Variants in PPP1R16A observed in about 807,000 individuals in gnomAD.
PPP1R16A encodes the protein protein phosphatase 1 regulatory subunit 16A.
PPP1R16A carries 39 observed loss-of-function variants against 46.6 expected under a neutral mutation model. That is an observed-to-expected ratio of 0.84 (90% CI 0.65 to 1.09). The LOEUF is 1.09. Ranked by LOEUF, PPP1R16A falls within the 50% of genes least tolerant of loss-of-function variation. The pLI is 0.00. For synonymous variants in PPP1R16A, 413 were observed against 321.5 expected (o/e 1.28, Z -3.04); for missense variants, 798 against 735.6 (o/e 1.08, Z -0.98).
chr8:144,493,214 C>G lies in PPP1R16A; in HGVS notation c.-735+3002C>G, dbSNP rs1825890155. On this transcript the variant is annotated intron_variant, in intron 2 of 11. Coordinates refer to ENST00000435887, the MANE Select transcript of PPP1R16A (RefSeq NM_001329443.2). The surrounding 1 kb of genome is among the most constrained non-coding windows in gnomAD (Gnocchi z 4.3). ...GTATCCTCCATGGGGCTCCTCCCGC[C>G]TGGGTCCCACACTCAGGCAGCTGGC... 6.6e-6 allele frequency among the ~76,000 whole-genome samples: 1 copy of G among 152,170 alleles called. No homozygotes were observed. Among genetic ancestry groups the G allele is most frequent in the African/African-American group, 2.4e-5 (1 of 41,448 alleles).
intron 1 of PPP1R16A, among the ~76,000 whole-genome samples, chr8:144,488,863 C>T (rs560967033): frequency 6.6e-6 from 1 of 151,634 alleles, no homozygotes; most frequent in Non-Finnish European, 1.5e-5. Context: ...GGGGACAGAG[C>T]CCCAGGGGAG....
At position 144,493,862 on chromosome 8, in the gene PPP1R16A, A is replaced by T. The variant is rs1167838081; in HGVS notation, c.-734-2599A>T. ...AAGGTGGGCCTGCTAGGGTGGGGCC[A>T]AGTGCCCTGTGAGCCGTGCTGGGTG... On this transcript the variant is annotated intron_variant, in intron 2 of 11. Transcript: ENST00000435887. The surrounding 1 kb of genome is among the most constrained non-coding windows in gnomAD (Gnocchi z 4.3). Among the ~76,000 whole-genome samples, 1 of 152,118 alleles carries T rather than the reference A, an allele frequency of 6.6e-6. No individual in the cohort carries two copies. The highest frequency in any genetic ancestry group is 2.4e-5 in the African/African-American group (1 of 41,438).
chr8:144,501,942 A>G lies in PPP1R16A; in HGVS notation c.*39A>G, dbSNP rs186831096. The G allele has an allele frequency of 1.1e-4, 155 of 1,468,344 alleles. No homozygotes were observed. The African/African-American group carries it at 1.9e-3, about 18-fold the overall frequency. 91.0% of individuals were successfully genotyped at this position (1,468,344 alleles called of 1,614,324 possible). ...CATGCAGGGGCCCTGTCGCGGGCAC[A>G]GCCCAAGGCTGCCTCCCCACGGTGC... is the stretch of plus-strand genomic sequence containing the variant. On this transcript the variant is annotated 3_prime_UTR_variant, in exon 12 of 12. Transcript: ENST00000435887.
At position 144,500,501 on chromosome 8, in the gene PPP1R16A, C is replaced by A; in HGVS notation, c.720C>A (p.Ala240=). The part of the protein sequence containing the change: ...DHGATLLHVA[A]ANGFSEAAAL... The stretch of plus-strand genomic sequence containing the variant: ...CTTGCCTGCAGCTGCACGTCGCAGC[C>A]GCCAACGGGTTCAGCGAGGCGGCTG... The change falls in exon 8 of 12, where the codon GCC becomes GCA. Residue 240 remains alanine, a synonymous_variant. Transcript: ENST00000435887. 1 of 1,586,668 alleles carries A rather than the reference C, an allele frequency of 6.3e-7. No homozygotes were observed. The highest frequency in any genetic ancestry group is 1.3e-5 in the African/African-American group (1 of 74,838).
intron 1 of PPP1R16A, among the ~76,000 whole-genome samples, chr8:144,489,369 G>C (rs1825723039): frequency 1.1e-5 from 1 of 94,024 alleles, no homozygotes; most frequent in Non-Finnish European, 2.1e-5. Context: ...TGGTCTGAGG[G>C]GGGTTGGTCT....
intron 2 of PPP1R16A, among the ~76,000 whole-genome samples, chr8:144,494,096 C>A (rs1022427008): frequency 3.3e-5 from 5 of 152,050 alleles, no homozygotes; most frequent in Non-Finnish European, 7.4e-5. Flanking sequence ...CATCTTTTTT[C>A]CTTTTTAAAA....
At chr8:144,482,972 G>A (rs965694889) in intron 1 of PPP1R16A, among the ~76,000 whole-genome samples, 1 of 151,410 alleles carries the variant, frequency 6.6e-6, no homozygotes, top group Non-Finnish European at 1.5e-5. Flanking sequence ...TAGTAGAGAC[G>A]GGTTTTTGCC....
intron 2 of PPP1R16A, chr8:144,495,862 G>C (rs931523381): frequency 2.0e-5 from 3 of 152,364 alleles, no homozygotes; most frequent in African/African-American, 7.2e-5. Context: ...CTGTCTGCCT[G>C]CCTGTCTGTC....
Position 144,496,883 on chromosome 8 carries a change from C to G in PPP1R16A, c.-312C>G. 1 of 512,716 alleles carries G rather than the reference C, an allele frequency of 2.0e-6. No individual in the cohort carries two copies. The highest frequency in any genetic ancestry group is 3.6e-6 in the Non-Finnish European group (1 of 281,068). 31.8% of individuals were successfully genotyped at this position (512,716 alleles called of 1,614,324 possible). On this transcript the variant is annotated 5_prime_UTR_variant, in exon 3 of 12. Coordinates refer to ENST00000435887, the MANE Select transcript of PPP1R16A (RefSeq NM_001329443.2). ...GGCCGGCCAGGTCTCGGGGCTGCCT[C>G]CCATAGGTTGTGCACCCTGACCCCG...
chr8:144,480,801 C>T (rs1039824894), intron 1 of PPP1R16A, among the ~76,000 whole-genome samples: 1 of 151,664 alleles, frequency 6.6e-6, no homozygotes, highest in Non-Finnish European at 1.5e-5. Flanking sequence ...TGATTTTTTA[C>T]ATCAAACTTT....
intron 1 of PPP1R16A, among the ~76,000 whole-genome samples, chr8:144,486,340 TACAGGCGTGAGCCACCACGCCTG>T (rs1398490044): frequency 6.6e-6 from 1 of 152,118 alleles, no homozygotes; most frequent in East Asian, 1.9e-4. Context: ...GTGCTGGGAT[TACAGGCGTGAGCCACCACGCCTG>T]ACTTAAATTT....
At position 144,497,047 on chromosome 8, in the gene PPP1R16A, C is replaced by T. The variant is rs1225096873; in HGVS notation, c.-148C>T. 2.7e-6 allele frequency: 3 copies of T among 1,103,196 alleles called. No individual in the cohort carries two copies. Among genetic ancestry groups the T allele is most frequent in the African/African-American group, 3.1e-5 (2 of 64,322 alleles). The allele number at this position is 1,103,196 out of a possible 1,614,324, so 68.3% of individuals were successfully genotyped here. On this transcript the variant is annotated 5_prime_UTR_variant, in exon 3 of 12. Transcript: ENST00000435887. ...GGGCCTGGTTATTGTGTGGGGCCTC[C>T]TGACCCAGCCAAGGGCACGAAGCTC...
intron 1 of PPP1R16A, among the ~76,000 whole-genome samples, chr8:144,480,361 C>T (rs1312157955): frequency 4.6e-5 from 7 of 152,252 alleles, no homozygotes; most frequent in Admixed American, 4.6e-4. Flanking sequence ...GTCGCCCAGA[C>T]TGGAGTGCGG....
At chr8:144,483,285 TTGGCTGGCTTCAA>T (rs1162243258) in intron 1 of PPP1R16A, among the ~76,000 whole-genome samples, 3 of 152,360 alleles carry the variant, frequency 2.0e-5, no homozygotes, top group African/African-American at 7.2e-5. Flanking sequence ...AATGATGTTC[TTGGCTGGCTTCAA>T]GTTCAAAGGC....
At chr8:144,495,389 C>T (rs1043886139) in intron 2 of PPP1R16A, 1 of 152,172 alleles carries the variant, frequency 6.6e-6, no homozygotes, top group Non-Finnish European at 1.5e-5. Context: ...GAGAATAGGA[C>T]TCCTGGCAGG....
chr8:144,498,011 T>C (rs1311549103), intron 3 of PPP1R16A: 1 of 456,072 alleles, frequency 2.2e-6, no homozygotes, highest in Non-Finnish European at 4.4e-6. Context: ...GCTGTGTGGG[T>C]TCCACTTCTG....
At chr8:144,484,078 C>T (rs1280332021) in intron 1 of PPP1R16A, among the ~76,000 whole-genome samples, 1 of 152,228 alleles carries the variant, frequency 6.6e-6, no homozygotes, top group Non-Finnish European at 1.5e-5. Flanking sequence ...AGACCCCACA[C>T]CTCTGTTGTC....
At chr8:144,497,859 G>A in intron 3 of PPP1R16A, 1 of 368,848 alleles carries the variant, frequency 2.7e-6, no homozygotes, top group Non-Finnish European at 5.4e-6. Context: ...CGTGAAATAG[G>A]GTGGGACCAG....
At chr8:144,492,556 C>G (rs964295086) in intron 2 of PPP1R16A, among the ~76,000 whole-genome samples, 2 of 152,072 alleles carry the variant, frequency 1.3e-5, no homozygotes, top group East Asian at 1.9e-4. Flanking sequence ...AGGATGGTCT[C>G]GATCTCCTGA....
Sources: allele counts gnomAD v4.1 joint callset (sites outside exome capture counted in the v4.1 genomes callset), GRCh38; gene constraint gnomAD v4.1.1; non-coding constraint Gnocchi (gnomAD v3.1); transcripts MANE v1.5; gene names NCBI Gene and HGNC (gene_info 2026-07-23, HGNC 2026-07-21).